Variants in CLIC4 observed in about 807,000 individuals in gnomAD.
CLIC4 encodes CLIC family member 4.
Under a neutral mutation model 24.6 loss-of-function variants are expected in CLIC4, and 13 were observed. The observed-to-expected ratio is 0.53, with a 90% CI of 0.34 to 0.84. The LOEUF is 0.84. Among genes scored for constraint, CLIC4 ranks in the 40% least tolerant of loss-of-function variants. CLIC4 has a pLI of 0.01. For synonymous variants in CLIC4, 104 were observed against 111.3 expected (o/e 0.93, Z 0.41); for missense variants, 227 against 301.7 (o/e 0.75, Z 1.83).
intron 2 of CLIC4, among the ~76,000 whole-genome samples, chr1:24,803,411 A>G (rs1639512685): frequency 6.6e-6 from 1 of 152,182 alleles, no homozygotes; most frequent in Non-Finnish European, 1.5e-5. Flanking sequence ...CATCCATAAG[A>G]ACAAGCCCAT....
chr1:24,801,842 T>C (rs1429399010), intron 2 of CLIC4, among the ~76,000 whole-genome samples: 3 of 152,232 alleles, frequency 2.0e-5, no homozygotes, highest in Non-Finnish European at 4.4e-5. Flanking sequence ...TAGTTATGTA[T>C]ATAAATGTAG....
At chr1:24,803,958 C>G (rs895886339) in intron 2 of CLIC4, among the ~76,000 whole-genome samples, 1 of 152,064 alleles carries the variant, frequency 6.6e-6, no homozygotes, top group Non-Finnish European at 1.5e-5. Flanking sequence ...AACTATGAAA[C>G]TGATAGTTCT....
intron 2 of CLIC4, among the ~76,000 whole-genome samples, chr1:24,802,231 C>T (rs534430611): frequency 2.4e-4 from 37 of 152,210 alleles, no homozygotes; most frequent in African/African-American, 8.7e-4. Flanking sequence ...GAAGTAAACC[C>T]ATTATAGCTA....
intron 3 of CLIC4, among the ~76,000 whole-genome samples, chr1:24,825,141 A>G (rs1246303531): frequency 6.6e-6 from 1 of 152,144 alleles, no homozygotes; most frequent in East Asian, 1.9e-4. Flanking sequence ...TCTGTAATTC[A>G]AGCCTGCCTT....
chr1:24,797,921 T>C, intron 2 of CLIC4, 70 bp downstream of exon 2: 1 of 1,009,954 alleles, frequency 9.9e-7, no homozygotes, highest in Non-Finnish European at 1.5e-6. Context: ...TATTTTCACC[T>C]TGATGGCACA....
At chr1:24,777,676 T>C (rs192252345) in intron 1 of CLIC4, among the ~76,000 whole-genome samples, 34 of 152,340 alleles carry the variant, frequency 2.2e-4, no homozygotes, top group African/African-American at 6.0e-4. Context: ...TCGCTACCTA[T>C]ACATGGCTAT....
intron 1 of CLIC4, among the ~76,000 whole-genome samples, chr1:24,765,815 C>CTTTTTTTTTTTTTTTT: frequency 7.4e-6 from 1 of 135,382 alleles, no homozygotes; most frequent in Non-Finnish European, 1.5e-5. Context: ...TTCTTTCTTT[C>CTTTTTTTTTTTTTTTT]TTTTTTTTTT....
At chr1:24,756,590 A>G (rs1553188917) in intron 1 of CLIC4, among the ~76,000 whole-genome samples, 7 of 152,212 alleles carry the variant, frequency 4.6e-5, no homozygotes, top group Non-Finnish European at 1.0e-4. Flanking sequence ...ATCACTTGTA[A>G]TAACTTAAGT....
intron 1 of CLIC4, among the ~76,000 whole-genome samples, chr1:24,789,344 C>G (rs1639307145): frequency 6.6e-6 from 1 of 152,110 alleles, no homozygotes; most frequent in South Asian, 2.1e-4. Flanking sequence ...ATGGTGAAAC[C>G]CTGTCTCTAC....
At chr1:24,814,620 C>A (rs1639650748) in intron 3 of CLIC4, among the ~76,000 whole-genome samples, 1 of 152,192 alleles carries the variant, frequency 6.6e-6, no homozygotes, top group South Asian at 2.1e-4. Context: ...GATTTGATTT[C>A]AGTTCATTTT....
chr1:24,830,533 T>C (rs994692929), intron 4 of CLIC4, among the ~76,000 whole-genome samples: 4 of 152,174 alleles, frequency 2.6e-5, no homozygotes, highest in Non-Finnish European at 5.9e-5. Context: ...TTCAAAAAGT[T>C]TGTGCATTTT....
intron 4 of CLIC4, among the ~76,000 whole-genome samples, chr1:24,839,550 C>T (rs1443450035): frequency 1.3e-5 from 2 of 152,302 alleles, no homozygotes; most frequent in South Asian, 2.1e-4. Context: ...CTGCCTGCCT[C>T]GGCCTCCCAA....
intron 1 of CLIC4, among the ~76,000 whole-genome samples, chr1:24,764,029 G>A (rs1031169820): frequency 6.6e-6 from 1 of 152,150 alleles, no homozygotes; most frequent in Non-Finnish European, 1.5e-5. Flanking sequence ...ATAGTTGATA[G>A]ACCTTAACCT....
chr1:24,809,936 G>A lies in CLIC4; in HGVS notation c.183-4158G>A, dbSNP rs558875833. ...CTTTTCTTGAAGTACACATTTTTAT[G>A]TTTGCTTTTATAATTATGAAAGTTT... On this transcript the variant is annotated intron_variant, in intron 2 of 5. Coordinates refer to ENST00000374379, the MANE Select transcript of CLIC4 (RefSeq NM_013943.3). 3.4e-4 allele frequency among the ~76,000 whole-genome samples: 52 copies of A among 152,228 alleles called. No homozygotes were observed. In the South Asian group the frequency reaches 9.7e-3, roughly 28 times the overall value.
At chr1:24,827,653 T>A (rs1346950282) in intron 4 of CLIC4, among the ~76,000 whole-genome samples, 1 of 151,772 alleles carries the variant, frequency 6.6e-6, no homozygotes, top group Non-Finnish European at 1.5e-5. Context: ...CATACTATCC[T>A]TCCAAATTTC....
intron 1 of CLIC4, among the ~76,000 whole-genome samples, chr1:24,750,098 A>G (rs1292161825): frequency 6.6e-6 from 1 of 152,050 alleles, no homozygotes. Context: ...GTAAGTAACT[A>G]AGCTGGGCCT....
chr1:24,831,551 G>T (rs1265569658), intron 4 of CLIC4, among the ~76,000 whole-genome samples: 1 of 152,156 alleles, frequency 6.6e-6, no homozygotes, highest in Non-Finnish European at 1.5e-5. Flanking sequence ...CTTCCCCACA[G>T]ACTGATTCCA....
At chr1:24,786,001 A>G (rs1189846984) in intron 1 of CLIC4, among the ~76,000 whole-genome samples, 1 of 152,176 alleles carries the variant, frequency 6.6e-6, no homozygotes, top group Non-Finnish European at 1.5e-5. Context: ...GTATTTTGAC[A>G]GCTAATTTAG....
At chr1:24,755,071 CAAAA>C (rs35295371) in intron 1 of CLIC4, among the ~76,000 whole-genome samples, 24 of 112,840 alleles carry the variant, frequency 2.1e-4, no homozygotes, top group Middle Eastern at 5.3e-3. Context: ...GACTCCGTCT[CAAAA>C]AAAAAAAAAA....
Sources: gnomAD v4.1 joint callset for allele counts (sites outside exome capture counted in the v4.1 genomes callset) on GRCh38, gnomAD v4.1.1 for gene constraint, MANE v1.5 for transcripts, NCBI Gene and HGNC (gene_info 2026-07-23, HGNC 2026-07-21) for gene names.